UTY: variants seen among roughly 807,000 people sequenced by gnomAD.
The protein encoded by UTY is ubiquitously transcribed tetratricopeptide repeat containing, Y-linked.
UTY carries 12 observed loss-of-function variants against 32.5 expected under a neutral mutation model. That is an observed-to-expected ratio of 0.37 (90% CI 0.24 to 0.60). UTY has a LOEUF of 0.60. Ranked by LOEUF, UTY falls within the 20% of genes least tolerant of loss-of-function variation. The pLI is 0.69. For missense variants in UTY, 303 were observed against 299.2 expected, an observed-to-expected ratio of 1.01 and a Z score of -0.09; for synonymous variants, 131 against 103.4, an observed-to-expected ratio of 1.27 and a Z score of -1.62.
intron 18 of UTY, among the ~76,000 whole-genome samples, chrY:13,329,826 C>A (rs1006066802): frequency 1.5e-3 from 49 of 33,695 alleles, no homozygotes; most frequent in African/African-American, 5.7e-3. Flanking sequence ...ACCCCCATTG[C>A]TTAAAACAGT....
intron 3 of UTY, among the ~76,000 whole-genome samples, chrY:13,450,635 T>G: frequency 2.7e-4 from 9 of 32,789 alleles, no homozygotes; most frequent in Admixed American, 2.0e-3. Flanking sequence ...CCATCCTGAC[T>G]AACACAGTGA....
intron 28 of UTY, among the ~76,000 whole-genome samples, chrY:13,240,048 A>G: frequency 3.0e-5 from 1 of 33,328 alleles, no homozygotes; most frequent in Non-Finnish European, 7.4e-5. Flanking sequence ...ACATACCAAC[A>G]TATCAATAAC....
At chrY:13,234,696 C>G in exon 29 of UTY, 1 of 134,268 alleles carries the variant, frequency 7.4e-6, no homozygotes, top group Non-Finnish European at 1.6e-5. Context: ...AGATGAGGCC[C>G]TGGAGTGGGT....
chrY:13,479,178 T>A, intron 2 of UTY, 76 bp downstream of exon 2: 1 of 312,945 alleles, frequency 3.2e-6, no homozygotes, highest in Non-Finnish European at 4.7e-6. Flanking sequence ...AAATAAATAC[T>A]GGCTGGGCGG....
intron 8 of UTY, among the ~76,000 whole-genome samples, chrY:13,392,353 C>A (rs2067655872): frequency 3.0e-5 from 1 of 33,443 alleles, no homozygotes; most frequent in African/African-American, 1.2e-4. Flanking sequence ...GCCTAGTGTT[C>A]CACTATTGGA....
chrY:13,270,201 C>A (rs951250123), intron 27 of UTY, among the ~76,000 whole-genome samples: 1 of 33,601 alleles, frequency 3.0e-5, no homozygotes. Flanking sequence ...GATCTTATAG[C>A]CAACACAATA....
Position 13,264,579 on chromosome Y carries a change from T to C in UTY, c.4011-4175A>G, listed in dbSNP as rs752837408. On this transcript the variant is annotated intron_variant, in intron 27 of 29. Transcript: ENST00000545955. The stretch of plus-strand genomic sequence containing the variant: ...GGCCACATATCTTTTGAAAAGTCTC[T>C]GTTTATATCCTTAGCCCACTTTTTG... Among the ~76,000 whole-genome samples the C allele has an allele frequency of 1.8e-4, 6 of 33,682 alleles. No homozygotes were observed. In the East Asian group the frequency reaches 3.9e-3, roughly 22 times the overall value. 90.4% of individuals were successfully genotyped at this position (33,682 alleles called of 37,273 possible). A position where few individuals can be genotyped will look rare whatever the true frequency, so the allele number is the denominator to read the frequency against.
intron 4 of UTY, among the ~76,000 whole-genome samples, chrY:13,432,696 G>A (rs2149860889): frequency 3.0e-5 from 1 of 33,557 alleles, no homozygotes; most frequent in Non-Finnish European, 7.4e-5. Context: ...ACAGATGCTG[G>A]CAAACAATGT....
intron 8 of UTY, among the ~76,000 whole-genome samples, chrY:13,369,846 T>G (rs779884294): frequency 4.7e-4 from 16 of 33,889 alleles, no homozygotes; most frequent in Non-Finnish European, 7.4e-5. Flanking sequence ...CTAGAAATAC[T>G]TTCAAAGAGA....
At chrY:13,346,065 C>A (rs2061860359) in intron 17 of UTY, among the ~76,000 whole-genome samples, 1 of 33,131 alleles carries the variant, frequency 3.0e-5, no homozygotes, top group Non-Finnish European at 7.4e-5. Context: ...AAGGCTGTAA[C>A]AGGAAAATCC....
At chrY:13,366,203 A>G in intron 10 of UTY, 64 bp downstream of exon 10, 1 of 335,744 alleles carries the variant, frequency 3.0e-6, no homozygotes, top group Non-Finnish European at 4.1e-6. Flanking sequence ...ATTACATTTT[A>G]TAAAATCTAC....
chrY:13,304,104 C>A, intron 24 of UTY: 1 of 113,943 alleles, frequency 8.8e-6, no homozygotes, highest in Non-Finnish European at 1.9e-5. Context: ...CACTTACTGG[C>A]CACGGAAATT....
Position 13,248,420 on chromosome Y carries a change from A to G in UTY, c.*1436T>C. 5.6e-5 allele frequency: 2 copies of G among 35,414 alleles called. No homozygotes were observed. Among genetic ancestry groups the G allele is most frequent in the South Asian group, 1.3e-3 (2 of 1,590 alleles). 8.8% of individuals were successfully genotyped at this position (35,414 alleles called of 400,897 possible). The stretch of plus-strand genomic sequence containing the variant: ...AAGTATTATTATCAAATGAGTTAAT[A>G]TTAAATTAGCAAATTTTTCATATGA... On this transcript the variant is annotated 3_prime_UTR_variant, in exon 30 of 30. Transcript: ENST00000545955.
chrY:13,273,980 CA>C (rs751154323), intron 27 of UTY, among the ~76,000 whole-genome samples: 9 of 20,589 alleles, frequency 4.4e-4, no homozygotes, highest in East Asian at 1.2e-3. Context: ...TCCACTACTT[CA>C]AAAAAAAAAA....
intron 18 of UTY, among the ~76,000 whole-genome samples, chrY:13,332,715 C>T (rs2060774410): frequency 3.0e-5 from 1 of 33,124 alleles, no homozygotes; most frequent in East Asian, 7.8e-4. Flanking sequence ...CATACCTATT[C>T]AACATAGTAT....
chrY:13,365,955 C>T (rs1603441563), intron 10 of UTY, among the ~76,000 whole-genome samples: 1 of 33,230 alleles, frequency 3.0e-5, no homozygotes, highest in East Asian at 7.7e-4. Context: ...CCTCTGCCTC[C>T]GGGCTCACGC....
chrY:13,258,254 T>C (rs2054946845), intron 28 of UTY, among the ~76,000 whole-genome samples: 1 of 34,155 alleles, frequency 2.9e-5, no homozygotes, highest in Non-Finnish European at 7.3e-5. Flanking sequence ...ACAATTCCTA[T>C]GGAATCATCA....
intron 15 of UTY, among the ~76,000 whole-genome samples, chrY:13,356,288 TGG>T (rs2062898077): frequency 3.1e-5 from 1 of 31,999 alleles, no homozygotes; most frequent in African/African-American, 1.2e-4. Flanking sequence ...TCTGAGTAGC[TGG>T]GACTACAGGC....
intron 7 of UTY, chrY:13,396,592 C>T (rs761721106): frequency 3.2e-3 from 119 of 37,649 alleles, no homozygotes; most frequent in Non-Finnish European, 5.1e-3. Context: ...TGTGCAAATC[C>T]TAAAATATTA....
Sources: gnomAD v4.1 joint callset for allele counts (sites outside exome capture counted in the v4.1 genomes callset) on GRCh38, gnomAD v4.1.1 for gene constraint, MANE v1.5 for transcripts, NCBI Gene and HGNC (gene_info 2026-07-23, HGNC 2026-07-21) for gene names.